Variants in DPYD observed in about 807,000 individuals in gnomAD.
DPYD encodes the protein dihydropyrimidine dehydrogenase [NADP(+)].
In DPYD, 109 loss-of-function variants were observed where a neutral mutation model predicts 116.2. That is an observed-to-expected ratio of 0.94 (90% CI 0.80 to 1.10). The LOEUF (loss-of-function observed/expected upper bound fraction) is 1.10, where lower values mean the gene tolerates loss of function less well. Among genes scored for constraint, DPYD ranks in the 50% least tolerant of loss-of-function variants. The pLI, the probability that DPYD is intolerant of heterozygous loss-of-function variation, is 0.00. For synonymous variants in DPYD, 440 were observed against 432.0 expected, an observed-to-expected ratio of 1.02 and a Z score of -0.23; for missense variants, 1,302 against 1,254.5, an observed-to-expected ratio of 1.04 and a Z score of -0.57.
intron 20 of DPYD, among the ~76,000 whole-genome samples, chr1:97,151,428 C>A (rs57870709): frequency 0.23 from 34,856 of 151,932 alleles, 4,250 homozygotes; most frequent in East Asian, 0.38. Flanking sequence ...AATCCCAGCA[C>A]TTTGGGAGGC....
chr1:97,186,804 TGCCACTGCACTCCA>T (rs1342889065), intron 20 of DPYD, among the ~76,000 whole-genome samples: 1 of 152,128 alleles, frequency 6.6e-6, no homozygotes, highest in Non-Finnish European at 1.5e-5. Flanking sequence ...GCCGAGAACG[TGCCACTGCACTCCA>T]GCCTGGGTGA....
chr1:97,666,607 T>A (rs913070175), intron 8 of DPYD, among the ~76,000 whole-genome samples: 3 of 151,944 alleles, frequency 2.0e-5, no homozygotes, highest in Non-Finnish European at 4.4e-5. Context: ...TAGTAATATT[T>A]AAAAAAAATA....
rs528154185 is a variant in DPYD at position 97,553,222 on chromosome 1, G to C, written c.1340-3478C>G. Among the ~76,000 whole-genome samples the C allele has an allele frequency of 5.9e-5, 9 of 151,816 alleles. No homozygotes were observed. In the East Asian group the frequency reaches 1.7e-3, roughly 29 times the overall value. On this transcript the variant is annotated intron_variant, in intron 11 of 22. Transcript: ENST00000370192. ...CTATATATGAATTTACTGAAACTTTGTTAAATCTGGAGCTAAATACCTTTC... is the reference window on the plus strand; with the variant it reads ...CTATATATGAATTTACTGAAACTTTCTTAAATCTGGAGCTAAATACCTTTC...
rs192036715 is a variant in DPYD at position 97,599,457 on chromosome 1, T to C, written c.851-4291A>G. Among the ~76,000 whole-genome samples, 428 of 152,238 alleles carry C rather than the reference T, an allele frequency of 2.8e-3. 2 individuals are homozygous for C. Among genetic ancestry groups the C allele is most frequent in the Non-Finnish European group, 4.6e-3 (316 of 67,996 alleles). On this transcript the variant is annotated intron_variant, in intron 8 of 22. Transcript: ENST00000370192. Reference sequence around the variant, plus strand: ...AAAAGCTTTTAAGGCTTTGCTTTCATAGCTATGGTAGGGCATGTTTAAGAA... The same window carrying C: ...AAAAGCTTTTAAGGCTTTGCTTTCACAGCTATGGTAGGGCATGTTTAAGAA...
At chr1:97,612,767 T>C (rs1157177606) in intron 8 of DPYD, among the ~76,000 whole-genome samples, 1 of 152,010 alleles carries the variant, frequency 6.6e-6, no homozygotes, top group African/African-American at 2.4e-5. Flanking sequence ...ACCATAGCAG[T>C]TGGGCTTGTT....
chr1:97,636,742 A>G (rs1657586856), intron 8 of DPYD, among the ~76,000 whole-genome samples: 1 of 152,150 alleles, frequency 6.6e-6, no homozygotes, highest in Non-Finnish European at 1.5e-5. Context: ...ATGCTTCCCC[A>G]GTAATGTCTG....
At chr1:97,355,075 A>G (rs1474379126) in intron 16 of DPYD, among the ~76,000 whole-genome samples, 1 of 152,170 alleles carries the variant, frequency 6.6e-6, no homozygotes, top group Non-Finnish European at 1.5e-5. Context: ...ATCATTTATG[A>G]ATTTATTATT....
chr1:97,770,908 C>A (rs1186721344), intron 3 of DPYD, among the ~76,000 whole-genome samples: 1 of 152,114 alleles, frequency 6.6e-6, no homozygotes, highest in African/African-American at 2.4e-5. Context: ...GTATTATAAA[C>A]TAGTCATTGT....
intron 13 of DPYD, among the ~76,000 whole-genome samples, chr1:97,509,843 A>T (rs1647640467): frequency 6.6e-6 from 1 of 151,974 alleles, no homozygotes; most frequent in Non-Finnish European, 1.5e-5. Flanking sequence ...ATTGTACCAC[A>T]ACAGCAAGGC....
At chr1:97,326,411 A>T (rs1044143721) in intron 16 of DPYD, among the ~76,000 whole-genome samples, 1 of 151,948 alleles carries the variant, frequency 6.6e-6, no homozygotes, top group African/African-American at 2.4e-5. Context: ...TTTGAGAGTC[A>T]TTGGCATAAC....
At chr1:97,624,761 G>A (rs1438110945) in intron 8 of DPYD, among the ~76,000 whole-genome samples, 4 of 151,994 alleles carry the variant, frequency 2.6e-5, no homozygotes, top group Admixed American at 6.6e-5. Context: ...TATATATACA[G>A]TATGAAATAC....
intron 11 of DPYD, among the ~76,000 whole-genome samples, chr1:97,556,410 T>C (rs1482173314): frequency 2.0e-5 from 3 of 151,000 alleles, no homozygotes; most frequent in Admixed American, 6.6e-5. Context: ...ATTGTGCAGG[T>C]TAGTTACATA....
intron 18 of DPYD, 145 bp from the exon 19 acceptor site, chr1:97,235,139 T>C (rs369368388): frequency 2.2e-6 from 2 of 897,262 alleles, no homozygotes; most frequent in Non-Finnish European, 1.8e-6. Flanking sequence ...TATATACATA[T>C]GTAGTGTATA....
chr1:97,249,682 T>A (rs954809212), intron 18 of DPYD, among the ~76,000 whole-genome samples: 11 of 152,018 alleles, frequency 7.2e-5, no homozygotes, highest in African/African-American at 2.2e-4. Flanking sequence ...AAAAATATAT[T>A]CACACACATA....
chr1:97,516,016 C>G, intron 12 of DPYD, 75 bp from the exon 13 acceptor site: 2 of 1,369,648 alleles, frequency 1.5e-6, no homozygotes, highest in Non-Finnish European at 2.1e-6. Flanking sequence ...AAAAAAATCA[C>G]TTCAACACAG....
chr1:97,356,095 A>G (rs1240401633), intron 16 of DPYD, among the ~76,000 whole-genome samples: 1 of 152,072 alleles, frequency 6.6e-6, no homozygotes, highest in Non-Finnish European at 1.5e-5. Context: ...AACACTTATT[A>G]TCTGTTGTCT....
At chr1:97,193,397 G>T in intron 19 of DPYD, 149 bp from the exon 20 acceptor site, 1 of 807,688 alleles carries the variant, frequency 1.2e-6, no homozygotes, top group Non-Finnish European at 2.1e-6. Flanking sequence ...AGATGGGGGT[G>T]GTGGGGAGGA....
chr1:97,569,282 A>G (rs1466442714), intron 11 of DPYD, among the ~76,000 whole-genome samples: 2 of 151,878 alleles, frequency 1.3e-5, no homozygotes, highest in East Asian at 3.9e-4. Flanking sequence ...AACAAACAAT[A>G]AATCGATTAA....
At chr1:97,137,861 C>T (rs1018052506) in intron 20 of DPYD, among the ~76,000 whole-genome samples, 3 of 151,836 alleles carry the variant, frequency 2.0e-5, no homozygotes, top group South Asian at 4.2e-4. Context: ...AATTAAAGTA[C>T]CAGGGAACAC....
Sources: gnomAD v4.1 joint callset for allele counts (sites outside exome capture counted in the v4.1 genomes callset) on GRCh38, gnomAD v4.1.1 for gene constraint, MANE v1.5 for transcripts, NCBI Gene and HGNC (gene_info 2026-07-23, HGNC 2026-07-21) for gene names.